Variants in STK32A observed in about 807,000 individuals in gnomAD.
The protein encoded by STK32A is serine/threonine-protein kinase 32A.
In STK32A, 41 loss-of-function variants were observed where a neutral mutation model predicts 53.2. The observed-to-expected ratio is 0.77, with a 90% confidence interval of 0.60 to 1.00. The LOEUF is 1.00. Among genes scored for constraint, STK32A ranks in the 50% least tolerant of loss-of-function variants. The pLI, the probability that STK32A is intolerant of heterozygous loss-of-function variation, is 0.00. For missense variants in STK32A, 458 were observed against 485.8 expected, an observed-to-expected ratio of 0.94 and a Z score of 0.54; for synonymous variants, 166 against 162.8, an observed-to-expected ratio of 1.02 and a Z score of -0.15.
chr5:147,260,323 C>CTCT (rs1561675641), intron 2 of STK32A, among the ~76,000 whole-genome samples: 2 of 139,988 alleles, frequency 1.4e-5, no homozygotes, highest in African/African-American at 5.2e-5. Context: ...CTCTCTTCTC[C>CTCT]GTCTCTATCT....
At chr5:147,312,017 G>A (rs1052791493) in intron 4 of STK32A, among the ~76,000 whole-genome samples, 1 of 152,054 alleles carries the variant, frequency 6.6e-6, no homozygotes. Flanking sequence ...TAACTACAGG[G>A]GAGATAAACT....
Position 147,278,658 on chromosome 5 carries a change from C to G in STK32A, c.108+479C>G, listed in dbSNP as rs539784558. Among the ~76,000 whole-genome samples, 14 of 152,274 alleles carry G rather than the reference C, an allele frequency of 9.2e-5. 1 individual carries two copies. In the South Asian group the frequency reaches 2.7e-3, roughly 29 times the overall value. On this transcript the variant is annotated intron_variant, in intron 3 of 12. Coordinates refer to ENST00000397936, the MANE Select transcript of STK32A (RefSeq NM_001112724.2). ...TTTTTTTGCAAGAAACTTCTGTATT[C>G]AAACCCTGATTACTAGTTTCTCAAT...
At position 147,384,173 on chromosome 5, in the gene STK32A, A is replaced by G; in HGVS notation, c.*190A>G. ...CTGAGCTCCTGGGATGTCATTTCAC[A>G]TCAATCAACTGTGTGATCTAGAGCA... On this transcript the variant is annotated 3_prime_UTR_variant, in exon 13 of 13. Transcript: ENST00000397936. The G allele has an allele frequency of 7.0e-7, 1 of 1,438,820 alleles. No homozygotes were observed. Among genetic ancestry groups the G allele is most frequent in the East Asian group, 2.6e-5 (1 of 38,210 alleles). The allele number at this position is 1,438,820 out of a possible 1,614,324, so 89.1% of individuals were successfully genotyped here.
chr5:147,381,961 A>G (rs1343784573), intron 11 of STK32A, among the ~76,000 whole-genome samples: 1 of 152,156 alleles, frequency 6.6e-6, no homozygotes, highest in African/African-American at 2.4e-5. Flanking sequence ...ACGATAGCTG[A>G]TGAGCTAAAG....
At chr5:147,338,947 A>C (rs1260662364) in intron 5 of STK32A, among the ~76,000 whole-genome samples, 3 of 152,254 alleles carry the variant, frequency 2.0e-5, no homozygotes, top group African/African-American at 2.4e-5. Context: ...AAAAGCAGGG[A>C]ATAAAAGTTC....
Position 147,386,585 on chromosome 5 carries a change from A to T in STK32A, c.*2602A>T, listed in dbSNP as rs1757650869. 6.6e-6 allele frequency: 1 copy of T among 152,206 alleles called. No homozygotes were observed. Among genetic ancestry groups the T allele is most frequent in the Non-Finnish European group, 1.5e-5 (1 of 68,034 alleles). 9.4% of individuals were successfully genotyped at this position (152,206 alleles called of 1,614,324 possible). On this transcript the variant is annotated 3_prime_UTR_variant, in exon 13 of 13. Coordinates refer to ENST00000397936, the MANE Select transcript of STK32A (RefSeq NM_001112724.2). ...ATTTATGATGGGATGGGAACCCGAT[A>T]CAATCTCTGTAGGCTGAATCCCTAG...
intron 4 of STK32A, among the ~76,000 whole-genome samples, chr5:147,291,581 TG>T (rs1752602381): frequency 6.6e-6 from 1 of 151,438 alleles, no homozygotes; most frequent in Non-Finnish European, 1.5e-5. Context: ...TATGCCTGAA[TG>T]AAAAAAATAT....
In STK32A at chr5:147,384,688, T is replaced by C. The variant is rs1288900088; in HGVS notation, c.*705T>C. 5.1e-6 allele frequency: 2 copies of C among 395,994 alleles called. No individual in the cohort carries two copies. The highest frequency in any genetic ancestry group is 9.0e-6 in the Non-Finnish European group (2 of 223,108). The allele number at this position is 395,994 out of a possible 1,614,324, so 24.5% of individuals were successfully genotyped here. On this transcript the variant is annotated 3_prime_UTR_variant, in exon 13 of 13. Transcript: ENST00000397936. ...GGAGCATTTACACCACGGAAACTGG[T>C]AAATGCTCGTTTTTTCCCTCCTAAC...
intron 10 of STK32A, among the ~76,000 whole-genome samples, chr5:147,374,187 C>T (rs967091984): frequency 1.3e-5 from 2 of 150,978 alleles, no homozygotes; most frequent in African/African-American, 4.9e-5. Context: ...ACCTAGGAGG[C>T]TGAGGTAGAA....
chr5:147,364,617 T>C (rs924875260), intron 8 of STK32A, among the ~76,000 whole-genome samples: 14 of 152,346 alleles, frequency 9.2e-5, no homozygotes, highest in African/African-American at 3.4e-4. Context: ...TCTAGAATTC[T>C]GAGATTAACG....
intron 2 of STK32A, 176 bp downstream of exon 2, chr5:147,239,862 C>T (rs1580971403): frequency 5.2e-6 from 3 of 580,624 alleles, no homozygotes; most frequent in East Asian, 5.9e-5. Flanking sequence ...TTACCTTCCA[C>T]TTTCCATGGG....
the STK32A span, chr5:147,397,583 T>C: frequency 1.0e-5 from 14 of 1,386,832 alleles, no homozygotes; most frequent in African/African-American, 1.4e-5. Context: ...GAGATCACAG[T>C]GCCCTGTGTT....
chr5:147,311,688 T>C (rs191957133), intron 4 of STK32A, among the ~76,000 whole-genome samples: 376 of 152,166 alleles, frequency 2.5e-3, no homozygotes, highest in African/African-American at 8.8e-3. Context: ...CACCTCAACC[T>C]CCTAAGTAGC....
intron 4 of STK32A, among the ~76,000 whole-genome samples, chr5:147,299,222 T>C (rs1753013250): frequency 6.6e-6 from 1 of 152,076 alleles, no homozygotes; most frequent in Non-Finnish European, 1.5e-5. Flanking sequence ...CCTTCCCTTT[T>C]TAGATCATAT....
At chr5:147,277,028 A>G (rs1424489552) in intron 2 of STK32A, among the ~76,000 whole-genome samples, 1 of 152,238 alleles carries the variant, frequency 6.6e-6, no homozygotes, top group African/African-American at 2.4e-5. Context: ...TCACATCATT[A>G]AAATGTTTGA....
chr5:147,370,546 T>C (rs1003273911), intron 8 of STK32A, 108 bp from the exon 9 acceptor site: 6 of 647,792 alleles, frequency 9.3e-6, no homozygotes, highest in Admixed American at 2.6e-5. Flanking sequence ...GGGTTAGAAA[T>C]TGATATAGAT....
At chr5:147,374,529 T>A (rs886968545) in intron 10 of STK32A, among the ~76,000 whole-genome samples, 1 of 152,140 alleles carries the variant, frequency 6.6e-6, no homozygotes, top group Non-Finnish European at 1.5e-5. Flanking sequence ...TGTACCATAA[T>A]TGACACATGA....
chr5:147,342,784 T>C, intron 5 of STK32A: 2 of 523,076 alleles, frequency 3.8e-6, no homozygotes, highest in Non-Finnish European at 6.8e-6. Context: ...ATTTCTTCCA[T>C]TTACTAGCCT....
chr5:147,244,015 G>A (rs1322314842), intron 2 of STK32A, among the ~76,000 whole-genome samples: 15 of 151,920 alleles, frequency 9.9e-5, no homozygotes, highest in African/African-American at 3.4e-4. Flanking sequence ...TTGAAACTTT[G>A]TACCTCTGAA....
Sources: allele counts gnomAD v4.1 joint callset (sites outside exome capture counted in the v4.1 genomes callset), GRCh38; gene constraint gnomAD v4.1.1; transcripts MANE v1.5; gene names NCBI Gene and HGNC (gene_info 2026-07-23, HGNC 2026-07-21).